ZNF804B: variants seen among roughly 807,000 people sequenced by gnomAD.
The protein encoded by ZNF804B is zinc finger protein 804B, also known as zinc finger 804B.
A neutral mutation model predicts 101.4 loss-of-function variants in ZNF804B; 80 were observed. The ratio of observed to expected loss-of-function variants is 0.79; its 90% CI spans 0.66 to 0.95. The LOEUF (loss-of-function observed/expected upper bound fraction) is 0.95, where lower values mean the gene tolerates loss of function less well. Among genes scored for constraint, ZNF804B ranks in the 40% least tolerant of loss-of-function variants. The pLI, the probability that ZNF804B is intolerant of heterozygous loss-of-function variation, is 0.00. For synonymous variants in ZNF804B, 622 were observed against 558.8 expected, an observed-to-expected ratio of 1.11 and a Z score of -1.59; for missense variants, 1,673 against 1,561.9, an observed-to-expected ratio of 1.07 and a Z score of -1.20.
At chr7:88,929,610 T>A (rs1792853158) in intron 1 of ZNF804B, among the ~76,000 whole-genome samples, 1 of 151,982 alleles carries the variant, frequency 6.6e-6, no homozygotes, top group South Asian at 2.1e-4. Context: ...TTTCTCTGTA[T>A]GTTCTTAAAA....
At position 89,194,022 on chromosome 7, in the gene ZNF804B, G is replaced by A. The variant is rs569056571; in HGVS notation, c.109-24133G>A. On this transcript the variant is annotated intron_variant, in intron 1 of 3. Coordinates refer to ENST00000333190, the MANE Select transcript of ZNF804B (RefSeq NM_181646.5). ...TTGCCATTCTAACTAGTGTGAGATG[G>A]TATCTCATTGTGGTTTTGATTTGCA... is the stretch of plus-strand genomic sequence containing the variant. Among the ~76,000 whole-genome samples, 223 of 152,230 alleles carry A rather than the reference G, an allele frequency of 1.5e-3. 1 individual carries two copies. The highest frequency in any genetic ancestry group is 5.2e-3 in the African/African-American group (214 of 41,536).
rs369725319 is a variant in ZNF804B at position 88,913,359 on chromosome 7, C to T, written c.108+153275C>T. Among the ~76,000 whole-genome samples the T allele has an allele frequency of 1.6e-4, 24 of 152,252 alleles. No homozygotes were observed. In the East Asian group the frequency reaches 2.3e-3, roughly 15 times the overall value. The stretch of plus-strand genomic sequence containing the variant: ...GCAAGTTTCTCTGGAGATAGCACAA[C>T]AAGCAGTATCTTTTATATTCTCAAG... On this transcript the variant is annotated intron_variant, in intron 1 of 3. Coordinates refer to ENST00000333190, the MANE Select transcript of ZNF804B (RefSeq NM_181646.5).
intron 1 of ZNF804B, among the ~76,000 whole-genome samples, chr7:88,834,354 A>T (rs1791177369): frequency 6.6e-6 from 1 of 151,830 alleles, no homozygotes; most frequent in South Asian, 2.1e-4. Flanking sequence ...ATGTATTAAG[A>T]CAATAAGCTG....
Position 89,335,393 on chromosome 7 carries a change from G to T in ZNF804B, c.2411G>T (p.Cys804Phe). The T allele has an allele frequency of 5.0e-6, 8 of 1,613,718 alleles. No individual in the cohort carries two copies. The highest frequency in any genetic ancestry group is 6.8e-6 in the Non-Finnish European group (8 of 1,179,902). The change falls in exon 4 of 4, where the codon TGC becomes TTC. Residue 804 changes from cysteine to phenylalanine, a missense_variant. By Grantham distance (205) the Cys-to-Phe change is radical. Coordinates refer to ENST00000333190, the MANE Select transcript of ZNF804B (RefSeq NM_181646.5). Reference protein sequence around the residue: ...EKYSKRRYCHCRERQKLGKNQ... With the variant: ...EKYSKRRYCHFRERQKLGKNQ... ...TACTCAAAACGTAGATATTGTCACTGCAGAGAAAGACAAAAACTGGGCAAA... is the reference window on the plus strand; with the variant it reads ...TACTCAAAACGTAGATATTGTCACTTCAGAGAAAGACAAAAACTGGGCAAA...
At chr7:89,226,917 A>C (rs1789098247) in intron 2 of ZNF804B, among the ~76,000 whole-genome samples, 1 of 152,166 alleles carries the variant, frequency 6.6e-6, no homozygotes, top group Non-Finnish European at 1.5e-5. Context: ...TTCATTAAAA[A>C]CATCACATAA....
rs76843612 is a variant in ZNF804B, at chr7:89,289,343, G to A, written c.250-38001G>A. 7.8e-3 allele frequency among the ~76,000 whole-genome samples: 1,182 copies of A among 150,862 alleles called. 21 individuals carry two copies. The highest frequency in any genetic ancestry group is 0.027 in the African/African-American group (1,123 of 41,080). On this transcript the variant is annotated intron_variant, in intron 2 of 3. Transcript: ENST00000333190. ...AACACCAAATTCAACAACTGTCTAC[G>A]CAAAAAAAAACCAACAAACAACAAC...
intron 1 of ZNF804B, among the ~76,000 whole-genome samples, chr7:89,047,421 C>A (rs1172688406): frequency 6.6e-6 from 1 of 152,070 alleles, no homozygotes; most frequent in Non-Finnish European, 1.5e-5. Context: ...GCATTTGTTA[C>A]ATATTATCAA....
At chr7:89,152,153 G>A (rs1790887151) in intron 1 of ZNF804B, among the ~76,000 whole-genome samples, 1 of 151,932 alleles carries the variant, frequency 6.6e-6, no homozygotes, top group African/African-American at 2.4e-5. Context: ...CTTTTGCTTA[G>A]AATTTTTCCA....
intron 3 of ZNF804B, among the ~76,000 whole-genome samples, chr7:89,329,814 G>A (rs1231856773): frequency 6.6e-6 from 1 of 151,416 alleles, no homozygotes; most frequent in East Asian, 1.9e-4. Context: ...TTTTTAAGTG[G>A]TGTCATTTCT....
intron 2 of ZNF804B, among the ~76,000 whole-genome samples, chr7:89,224,759 T>G (rs1544577): frequency 2.4e-5 from 1 of 40,888 alleles, no homozygotes; most frequent in African/African-American, 6.1e-5. Context: ...TGTATGAGTG[T>G]GTGTGTGTGT....
At chr7:89,313,870 G>C (rs1790680198) in intron 2 of ZNF804B, among the ~76,000 whole-genome samples, 1 of 152,114 alleles carries the variant, frequency 6.6e-6, no homozygotes, top group Non-Finnish European at 1.5e-5. Context: ...GATCTGGGTA[G>C]AGGTTATGGA....
At chr7:89,229,360 A>T (rs1789152035) in intron 2 of ZNF804B, among the ~76,000 whole-genome samples, 1 of 152,336 alleles carries the variant, frequency 6.6e-6, no homozygotes. Context: ...AAGACCGATT[A>T]AAAGAAAACT....
At chr7:89,288,317 AAGAG>A (rs1264061001) in intron 2 of ZNF804B, among the ~76,000 whole-genome samples, 1 of 152,108 alleles carries the variant, frequency 6.6e-6, no homozygotes, top group Non-Finnish European at 1.5e-5. Context: ...AGAAAGAAAG[AAGAG>A]AGAGAAAGGG....
intron 1 of ZNF804B, among the ~76,000 whole-genome samples, chr7:88,799,790 CAATA>C (rs1790551566): frequency 6.6e-6 from 1 of 151,960 alleles, no homozygotes; most frequent in African/African-American, 2.4e-5. Context: ...CAGGGAAAAA[CAATA>C]AATATCATGC....
chr7:89,296,132 C>G (rs562020207), intron 2 of ZNF804B, among the ~76,000 whole-genome samples: 3 of 152,102 alleles, frequency 2.0e-5, no homozygotes, highest in East Asian at 3.9e-4. Context: ...CCACTTGTAC[C>G]TAAAAGCTAT....
At chr7:89,007,488 C>A in intron 1 of ZNF804B, among the ~76,000 whole-genome samples, 14 of 29,686 alleles carry the variant, frequency 4.7e-4, no homozygotes, top group Admixed American at 1.8e-3. Flanking sequence ...ATATATATGT[C>A]AACCTAATAT....
chr7:89,224,156 A>T (rs1277898790), intron 2 of ZNF804B, among the ~76,000 whole-genome samples: 1 of 152,130 alleles, frequency 6.6e-6, no homozygotes, highest in East Asian at 1.9e-4. Context: ...AATGAGCCAG[A>T]TCCCTGTACA....
At chr7:89,109,153 A>AT (rs149110808) in intron 1 of ZNF804B, among the ~76,000 whole-genome samples, 11,300 of 152,212 alleles carry the variant, frequency 0.074, 535 homozygotes, top group Non-Finnish European at 0.11. Flanking sequence ...TACCAGGAAA[A>AT]TACTTGGATC....
Position 88,967,380 on chromosome 7 carries a change from C to T in ZNF804B, c.108+207296C>T, listed in dbSNP as rs117969801. ...TCTGGTGAGAACTCACTCACTATTA[C>T]GAGGGGGAAATCCACCCCCATGATC... On this transcript the variant is annotated intron_variant, in intron 1 of 3. Coordinates refer to ENST00000333190, the MANE Select transcript of ZNF804B (RefSeq NM_181646.5). Among the ~76,000 whole-genome samples the T allele has an allele frequency of 4.3e-4, 65 of 151,472 alleles. No individual in the cohort carries two copies. In the East Asian group the frequency reaches 0.01, roughly 24 times the overall value.
Sources: gnomAD v4.1 joint callset for allele counts (sites outside exome capture counted in the v4.1 genomes callset) on GRCh38, gnomAD v4.1.1 for gene constraint, MANE v1.5 for transcripts, NCBI Gene and HGNC (gene_info 2026-07-23, HGNC 2026-07-21) for gene names.